Variants in IL1RAPL1 observed in about 807,000 individuals in gnomAD.
IL1RAPL1 encodes interleukin 1 receptor accessory protein like 1.
IL1RAPL1 carries 3 observed loss-of-function variants against 48.4 expected under a neutral mutation model. The ratio of observed to expected loss-of-function variants is 0.06; its 90% CI spans 0.03 to 0.16. IL1RAPL1 has a LOEUF of 0.16. Among genes scored for constraint, IL1RAPL1 ranks in the 10% least tolerant of loss-of-function variants. IL1RAPL1 has a pLI of 1.00. For missense variants in IL1RAPL1, 349 were observed against 530.6 expected, an observed-to-expected ratio of 0.66 and a Z score of 3.36; for synonymous variants, 185 against 187.7, an observed-to-expected ratio of 0.99 and a Z score of 0.12.
intron 1 of IL1RAPL1, among the ~76,000 whole-genome samples, chrX:28,777,079 A>C (rs1936370079): frequency 8.9e-6 from 1 of 112,124 alleles, no homozygotes; most frequent in Non-Finnish European, 1.9e-5. Flanking sequence ...GGTCGAAAGT[A>C]TAAAATGAAA....
At chrX:29,740,645 A>G (rs370748217) in intron 6 of IL1RAPL1, among the ~76,000 whole-genome samples, 192 of 111,490 alleles carry the variant, frequency 1.7e-3, no homozygotes, top group African/African-American at 6.1e-3. Context: ...ACTACCCTAC[A>G]GTGCTTTAAC....
intron 2 of IL1RAPL1, among the ~76,000 whole-genome samples, chrX:28,823,805 A>C (rs912734965): frequency 9.0e-6 from 1 of 111,327 alleles, no homozygotes; most frequent in South Asian, 3.7e-4. Flanking sequence ...TGCCTCCCTG[A>C]TCACATTGGG....
intron 2 of IL1RAPL1, among the ~76,000 whole-genome samples, chrX:29,255,585 A>G (rs1272009398): frequency 9.0e-6 from 1 of 110,938 alleles, no homozygotes; most frequent in African/African-American, 3.3e-5. Flanking sequence ...ACAAATAGGC[A>G]GTTTTCTAAC....
chrX:28,680,482 T>C (rs1224843579), intron 1 of IL1RAPL1, among the ~76,000 whole-genome samples: 5 of 111,660 alleles, frequency 4.5e-5, no homozygotes, highest in Non-Finnish European at 7.5e-5. Flanking sequence ...GGACTTCTTA[T>C]ACTGTGTTGA....
At chrX:29,000,831 CTTT>C (rs34416836) in intron 2 of IL1RAPL1, among the ~76,000 whole-genome samples, 1 of 95,341 alleles carries the variant, frequency 1.0e-5, no homozygotes, top group Non-Finnish European at 2.1e-5. Context: ...AAGTATAACT[CTTT>C]TTTTTTTTTT....
At chrX:28,867,896 T>C (rs1305544182) in intron 2 of IL1RAPL1, among the ~76,000 whole-genome samples, 1 of 111,812 alleles carries the variant, frequency 8.9e-6, no homozygotes, top group Non-Finnish European at 1.9e-5. Flanking sequence ...TTCCATTTTC[T>C]TATATACTAA....
intron 6 of IL1RAPL1, among the ~76,000 whole-genome samples, chrX:29,840,409 G>A (rs927718203): frequency 9.0e-6 from 1 of 111,387 alleles, no homozygotes; most frequent in Non-Finnish European, 1.9e-5. Flanking sequence ...ATTCAAAATT[G>A]GTCAGTAAAT....
At chrX:29,605,119 CACACACACGGAG>C (rs1361192913) in intron 5 of IL1RAPL1, among the ~76,000 whole-genome samples, 3 of 98,366 alleles carry the variant, frequency 3.0e-5, no homozygotes, top group African/African-American at 1.2e-4. Context: ...CACACACACA[CACACACACGGAG>C]GGAGGGAGGG....
At chrX:29,005,101 T>C (rs1363084168) in intron 2 of IL1RAPL1, among the ~76,000 whole-genome samples, 3 of 112,198 alleles carry the variant, frequency 2.7e-5, no homozygotes, top group African/African-American at 9.7e-5. Flanking sequence ...TCTGTTAATA[T>C]AGAGAAAACC....
chrX:29,299,283 C>T (rs1932497564), intron 3 of IL1RAPL1, among the ~76,000 whole-genome samples: 1 of 111,191 alleles, frequency 9.0e-6, no homozygotes, highest in South Asian at 3.8e-4. Context: ...CCTATTAGTT[C>T]TGTCCCTCTA....
chrX:28,972,523 G>A (rs56012608), intron 2 of IL1RAPL1, among the ~76,000 whole-genome samples: 2,320 of 110,999 alleles, frequency 0.021, 31 homozygotes, highest in Non-Finnish European at 0.033. Context: ...CGGATCACAA[G>A]GTCAGGAGAT....
At chrX:29,054,714 A>G (rs1031881826) in intron 2 of IL1RAPL1, among the ~76,000 whole-genome samples, 2 of 112,347 alleles carry the variant, frequency 1.8e-5, no homozygotes, top group Non-Finnish European at 3.8e-5. Context: ...GTTTGTCTAC[A>G]TAGGAACCCA....
chrX:28,812,618 C>T (rs1355014302), intron 2 of IL1RAPL1, among the ~76,000 whole-genome samples: 1 of 110,773 alleles, frequency 9.0e-6, no homozygotes, highest in Non-Finnish European at 1.9e-5. Flanking sequence ...GGTAGAAGTG[C>T]CTGCTCTTCA....
chrX:28,882,294 C>T (rs1285626496), intron 2 of IL1RAPL1, among the ~76,000 whole-genome samples: 1 of 110,972 alleles, frequency 9.0e-6, no homozygotes, highest in African/African-American at 3.3e-5. Context: ...ATTCAACATA[C>T]TGAACAAAAA....
At chrX:28,635,448 T>TACCCATAC (rs1490560676) in intron 1 of IL1RAPL1, among the ~76,000 whole-genome samples, 6 of 111,982 alleles carry the variant, frequency 5.4e-5, no homozygotes, top group Non-Finnish European at 1.1e-4. Context: ...GTACTTCAAG[T>TACCCATAC]ACCCATACAA....
At chrX:29,734,285 AATC>A (rs1198682176) in intron 6 of IL1RAPL1, among the ~76,000 whole-genome samples, 1 of 112,597 alleles carries the variant, frequency 8.9e-6, no homozygotes, top group African/African-American at 3.2e-5. Flanking sequence ...GACAGGAACA[AATC>A]ATCATTTAAA....
intron 6 of IL1RAPL1, among the ~76,000 whole-genome samples, chrX:29,846,789 T>C (rs1449380856): frequency 4.8e-5 from 2 of 41,353 alleles, no homozygotes; most frequent in Non-Finnish European, 8.5e-5. Flanking sequence ...TATATATGTA[T>C]ATATATGTAT....
intron 2 of IL1RAPL1, among the ~76,000 whole-genome samples, chrX:29,148,187 A>G (rs989085262): frequency 5.3e-5 from 6 of 112,163 alleles, no homozygotes; most frequent in African/African-American, 1.9e-4. Context: ...CATAATAGCT[A>G]TATGTGATAT....
chrX:28,898,307 G>A (rs1379974355), intron 2 of IL1RAPL1, among the ~76,000 whole-genome samples: 1 of 111,041 alleles, frequency 9.0e-6, no homozygotes, highest in Admixed American at 9.5e-5. Context: ...TGTCTTTTTT[G>A]TTTTAAGTGA....
Sources: gnomAD v4.1 joint callset for allele counts (sites outside exome capture counted in the v4.1 genomes callset) on GRCh38, gnomAD v4.1.1 for gene constraint, MANE v1.5 for transcripts, NCBI Gene and HGNC (gene_info 2026-07-23, HGNC 2026-07-21) for gene names.